Variants in HS6ST1 observed in about 807,000 individuals in gnomAD.
The protein encoded by HS6ST1 is heparan sulfate 6-O-sulfotransferase 1.
HS6ST1 carries 3 observed loss-of-function variants against 25.2 expected under a neutral mutation model. The ratio of observed to expected loss-of-function variants is 0.12; its 90% CI spans 0.05 to 0.31. The LOEUF (loss-of-function observed/expected upper bound fraction) is 0.31, where lower values mean the gene tolerates loss of function less well. Ranked by LOEUF, HS6ST1 falls within the 10% of genes least tolerant of loss-of-function variation. HS6ST1 has a pLI of 1.00. For synonymous variants in HS6ST1, 204 were observed against 275.1 expected (o/e 0.74, Z 2.56); for missense variants, 310 against 609.6 (o/e 0.51, Z 5.18).
intron 1 of HS6ST1, among the ~76,000 whole-genome samples, chr2:128,270,346 G>C (rs969668220): frequency 6.6e-6 from 1 of 152,166 alleles, no homozygotes; most frequent in Non-Finnish European, 1.5e-5. Context: ...GCAGGGGCGA[G>C]AGCAGGCCTC....
chr2:128,272,178 C>T (rs181613412), intron 1 of HS6ST1, among the ~76,000 whole-genome samples: 21 of 152,348 alleles, frequency 1.4e-4, no homozygotes, highest in Middle Eastern at 3.4e-3. Context: ...GGGGCTGGAG[C>T]GTCTACCTGC....
chr2:128,271,596 T>A (rs1462639748), intron 1 of HS6ST1, among the ~76,000 whole-genome samples: 1 of 152,116 alleles, frequency 6.6e-6, no homozygotes, highest in East Asian at 1.9e-4. Flanking sequence ...CTGTGAAGTG[T>A]TTCTGCTCAG....
intron 1 of HS6ST1, among the ~76,000 whole-genome samples, chr2:128,310,713 C>G (rs984618923): frequency 6.6e-6 from 1 of 152,160 alleles, no homozygotes; most frequent in Non-Finnish European, 1.5e-5. Context: ...GGTCTGGGAT[C>G]AGCACTTGAA....
chr2:128,268,209 G>A lies in HS6ST1; in HGVS notation c.1189C>T (p.Arg397Cys), dbSNP rs371315523. The A allele has an allele frequency of 1.9e-5, 30 of 1,609,320 alleles. No individual in the cohort carries two copies. The highest frequency in any genetic ancestry group is 6.6e-5 in the South Asian group (6 of 90,896). ...CTCATGTAGTCCTCGGTGGGCACGC[G>A]GCCCGGCTCGTCGGCATCCTCCCGC... ...LPREDADEPGRVPTEDYMSHI... is the reference protein window; with the variant it reads ...LPREDADEPGCVPTEDYMSHI... The change falls in exon 2 of 2, where the codon CGC becomes TGC. Residue 397 changes from arginine to cysteine, a missense_variant. Physicochemically the swap from Arg to Cys is radical, Grantham distance 180 (BLOSUM62 -3). Coordinates refer to ENST00000259241, the MANE Select transcript of HS6ST1 (RefSeq NM_004807.3).
rs150392154 is a variant in HS6ST1 at position 128,267,481 on chromosome 2, G to T, written c.*681C>A. 1,500 of 153,692 alleles carry T rather than the reference G, an allele frequency of 9.8e-3. 1 individual carries two copies. Among genetic ancestry groups the T allele is most frequent in the Admixed American group, 0.02 (306 of 15,494 alleles). The allele number at this position is 153,692 out of a possible 1,614,324, so 9.5% of individuals were successfully genotyped here. A position where few individuals can be genotyped will look rare whatever the true frequency, so the allele number is the denominator to read the frequency against. On this transcript the variant is annotated 3_prime_UTR_variant, in exon 2 of 2. Coordinates refer to ENST00000259241, the MANE Select transcript of HS6ST1 (RefSeq NM_004807.3). ...TTGGTCTGAGGACTGTAGGGAGTGG[G>T]TGGGGCCTGAACATCAGCTTTGGCC... is the stretch of plus-strand genomic sequence containing the variant.
At chr2:128,305,054 C>T (rs1220169345) in intron 1 of HS6ST1, among the ~76,000 whole-genome samples, 1 of 152,244 alleles carries the variant, frequency 6.6e-6, no homozygotes, top group Non-Finnish European at 1.5e-5. Flanking sequence ...ATGAGGGCCT[C>T]CTAAGCTCTC....
chr2:128,279,698 G>A, intron 1 of HS6ST1, among the ~76,000 whole-genome samples: 1 of 152,168 alleles, frequency 6.6e-6, no homozygotes, highest in East Asian at 1.9e-4. Flanking sequence ...GCTGAGGTGG[G>A]AGGATCACTT....
chr2:128,284,063 C>A (rs774220939), intron 1 of HS6ST1, among the ~76,000 whole-genome samples: 2 of 152,198 alleles, frequency 1.3e-5, no homozygotes, highest in Admixed American at 1.3e-4. Context: ...GGCAGCCCCC[C>A]ACCCTCACCC....
intron 1 of HS6ST1, among the ~76,000 whole-genome samples, chr2:128,290,817 C>CAAAAAAAAAA (rs57754041): frequency 3.0e-4 from 18 of 60,548 alleles, no homozygotes; most frequent in African/African-American, 4.3e-4. Context: ...ACTAAAAATA[C>CAAAAAAAAAA]AAAAAAAAAA....
intron 1 of HS6ST1, among the ~76,000 whole-genome samples, chr2:128,294,576 G>A (rs1319966830): frequency 1.3e-5 from 2 of 152,138 alleles, no homozygotes; most frequent in East Asian, 3.9e-4. Context: ...TGGGAGCTGC[G>A]GCCCCTCTGA....
intron 1 of HS6ST1, among the ~76,000 whole-genome samples, chr2:128,307,001 C>T (rs943104651): frequency 1.3e-5 from 2 of 151,830 alleles, no homozygotes; most frequent in Non-Finnish European, 2.9e-5. Context: ...CTCTGGGAAA[C>T]GCCCACCCAG....
At chr2:128,307,245 C>T (rs1408099724) in intron 1 of HS6ST1, among the ~76,000 whole-genome samples, 2 of 152,138 alleles carry the variant, frequency 1.3e-5, no homozygotes, top group Non-Finnish European at 2.9e-5. Context: ...TGAGGATCTC[C>T]AGGGAAGGCC....
chr2:128,279,953 G>C (rs1693755466), intron 1 of HS6ST1, among the ~76,000 whole-genome samples: 1 of 152,110 alleles, frequency 6.6e-6, no homozygotes, highest in South Asian at 2.1e-4. Flanking sequence ...CAGACCCATG[G>C]GACACCACAG....
rs1693550145 is a variant in HS6ST1, at chr2:128,268,093, T to C, written c.*69A>G. On this transcript the variant is annotated 3_prime_UTR_variant, in exon 2 of 2. Coordinates refer to ENST00000259241, the MANE Select transcript of HS6ST1 (RefSeq NM_004807.3). ...ATGCTCATCCCTTGACAGTCTTGGG[T>C]GGACCTGTCGTCTGTCCTGTTTTAT... The C allele has an allele frequency of 9.1e-7, 1 of 1,100,162 alleles. No homozygotes were observed. Among genetic ancestry groups the C allele is most frequent in the Non-Finnish European group, 1.3e-6 (1 of 746,826 alleles). The allele number at this position is 1,100,162 out of a possible 1,614,324, so 68.2% of individuals were successfully genotyped here.
chr2:128,290,628 T>C (rs1163506097), intron 1 of HS6ST1, among the ~76,000 whole-genome samples: 4 of 151,990 alleles, frequency 2.6e-5, no homozygotes, highest in African/African-American at 9.7e-5. Context: ...AAGAAGCATC[T>C]GCTAAAAACA....
intron 1 of HS6ST1, among the ~76,000 whole-genome samples, chr2:128,302,948 G>A (rs542960442): frequency 7.8e-4 from 119 of 152,282 alleles, no homozygotes; most frequent in African/African-American, 2.7e-3. Context: ...CCTTGCTCAC[G>A]GCATCTTCTG....
At chr2:128,286,780 C>CTG (rs1200377476) in intron 1 of HS6ST1, among the ~76,000 whole-genome samples, 3 of 152,228 alleles carry the variant, frequency 2.0e-5, no homozygotes, top group African/African-American at 7.2e-5. Context: ...GCTGGCTTTA[C>CTG]AAACAAGGTC....
At chr2:128,277,806 T>C (rs534001287) in intron 1 of HS6ST1, among the ~76,000 whole-genome samples, 26 of 152,396 alleles carry the variant, frequency 1.7e-4, no homozygotes, top group Non-Finnish European at 2.8e-4. Context: ...AAATGCGCTA[T>C]GAAATAATTC....
chr2:128,302,207 G>A (rs937789087), intron 1 of HS6ST1, among the ~76,000 whole-genome samples: 4 of 152,182 alleles, frequency 2.6e-5, no homozygotes, highest in East Asian at 1.9e-4. Context: ...ACTAGGGGAG[G>A]ATACCTGGTC....
Sources: allele counts gnomAD v4.1 joint callset (sites outside exome capture counted in the v4.1 genomes callset), GRCh38; gene constraint gnomAD v4.1.1; transcripts MANE v1.5; gene names NCBI Gene and HGNC (gene_info 2026-07-23, HGNC 2026-07-21).